The following APLF variants were observed in gnomAD, a reference collection of about 807,000 sequenced individuals.
APLF encodes aprataxin and PNK-like factor.
In APLF, 61 loss-of-function variants were observed where a neutral mutation model predicts 55.6. The ratio of observed to expected loss-of-function variants is 1.10; its 90% confidence interval spans 0.89 to 1.36. The LOEUF (loss-of-function observed/expected upper bound fraction) is 1.36, where lower values mean the gene tolerates loss of function less well. APLF is among the 40% of genes most tolerant of loss of function. APLF has a pLI of 0.00. For missense variants in APLF, 611 were observed against 602.5 expected, an observed-to-expected ratio of 1.01 and a Z score of -0.15; for synonymous variants, 207 against 214.8, an observed-to-expected ratio of 0.96 and a Z score of 0.32.
At chr2:68,481,894 T>G (rs1558527210) in intron 1 of APLF, among the ~76,000 whole-genome samples, 1 of 151,994 alleles carries the variant, frequency 6.6e-6, no homozygotes, top group Non-Finnish European at 1.5e-5. Context: ...CTTGATTTTA[T>G]TTTTTATTTT....
chr2:68,536,450 T>C (rs2104001731), intron 6 of APLF, among the ~76,000 whole-genome samples: 2 of 152,320 alleles, frequency 1.3e-5, no homozygotes, highest in East Asian at 3.9e-4. Context: ...CATGAGTCTT[T>C]AGTTATAAGT....
chr2:68,511,168 CTA>C (rs1321503855), intron 3 of APLF, among the ~76,000 whole-genome samples: 1 of 151,632 alleles, frequency 6.6e-6, no homozygotes, highest in South Asian at 2.1e-4. Context: ...AATCTTATGA[CTA>C]TATGGATTAT....
chr2:68,552,145 G>A (rs1670884245), intron 8 of APLF, among the ~76,000 whole-genome samples: 1 of 152,070 alleles, frequency 6.6e-6, no homozygotes, highest in Non-Finnish European at 1.5e-5. Flanking sequence ...CTTGAGGGGA[G>A]GCTAGTTATG....
intron 2 of APLF, among the ~76,000 whole-genome samples, chr2:68,498,905 T>C (rs1010036023): frequency 7.9e-5 from 12 of 152,198 alleles, no homozygotes; most frequent in African/African-American, 2.4e-4. Context: ...GTTTTTTTAT[T>C]GCACAAAGTT....
At chr2:68,512,547 C>T (rs1361990363) in intron 3 of APLF, among the ~76,000 whole-genome samples, 3 of 151,816 alleles carry the variant, frequency 2.0e-5, no homozygotes, top group African/African-American at 4.8e-5. Flanking sequence ...TGGCATGTCC[C>T]ACATGTGACC....
At chr2:68,488,329 C>CT (rs60462016) in intron 1 of APLF, among the ~76,000 whole-genome samples, 3,041 of 128,856 alleles carry the variant, frequency 0.024, 58 homozygotes, top group East Asian at 0.069. Context: ...CATTTATTAT[C>CT]TTTTTTTTTT....
chr2:68,476,572 C>T (rs1479401661), intron 1 of APLF, among the ~76,000 whole-genome samples: 1 of 151,590 alleles, frequency 6.6e-6, no homozygotes, highest in African/African-American at 2.4e-5. Flanking sequence ...GAGATAAGCA[C>T]TGTAAACATT....
chr2:68,513,060 G>C lies in APLF; in HGVS notation c.342-20G>C, dbSNP rs1669448001. On this transcript the variant is annotated intron_variant, in intron 3 of 9. Transcript: ENST00000303795. ...GTGTTAAATTTAAAATTAAAGACCA[G>C]TTTCTATTTTATCTTATAGAAACAG... 4 of 1,582,242 alleles carry C rather than the reference G, an allele frequency of 2.5e-6. No individual in the cohort carries two copies. Among genetic ancestry groups the C allele is most frequent in the South Asian group, 1.1e-5 (1 of 87,174 alleles).
At chr2:68,518,082 ATAT>A (rs1346895395) in intron 5 of APLF, among the ~76,000 whole-genome samples, 21 of 132,668 alleles carry the variant, frequency 1.6e-4, no homozygotes, top group Non-Finnish European at 2.9e-4. Flanking sequence ...TTAGTATATA[ATAT>A]TAATATATAT....
In APLF at chr2:68,467,630, GTGTTTT is replaced by G; in HGVS notation, c.-100_-95del. 1 of 988,638 alleles carries G rather than the reference GTGTTTT, an allele frequency of 1.0e-6. No homozygotes were observed. The highest frequency in any genetic ancestry group is 1.3e-6 in the Non-Finnish European group (1 of 764,020). 61.2% of individuals were successfully genotyped at this position (988,638 alleles called of 1,614,324 possible). On this transcript the variant is annotated 5_prime_UTR_variant, in exon 1 of 10. Coordinates refer to ENST00000303795, the MANE Select transcript of APLF (RefSeq NM_173545.3). ...GGGGAGCCTTTGAGGCCCTCCCTCG[GTGTTTT>G]TTCCCAGGGCGTGGGCTTGCCCCGC...
chr2:68,534,686 G>A (rs1057497720), intron 6 of APLF, among the ~76,000 whole-genome samples: 10 of 152,100 alleles, frequency 6.6e-5, no homozygotes, highest in Admixed American at 2.0e-4. Flanking sequence ...ATCATGAGTC[G>A]CCAGCCTTCC....
chr2:68,537,902 TTAAG>T lies in APLF; in HGVS notation c.839_842del (p.Ser280ThrfsTer4). 6.3e-7 allele frequency: 1 copy of T among 1,588,974 alleles called. No homozygotes were observed. Among genetic ancestry groups the T allele is most frequent in the Non-Finnish European group, 8.5e-7 (1 of 1,170,000 alleles). On this transcript the variant is annotated frameshift_variant, in exon 7 of 10. Coordinates refer to ENST00000303795, the MANE Select transcript of APLF (RefSeq NM_173545.3). LOFTEE classifies it high-confidence loss of function. Reference sequence around the variant, plus strand: ...GCCACAATCATTTTCTGCAATCACATTAAGTAACACAGAGATGAATAATATTAAG... The same window carrying T: ...GCCACAATCATTTTCTGCAATCACATTAACACAGAGATGAATAATATTAAG...
At chr2:68,513,793 G>A (rs1669488296) in intron 5 of APLF, 113 bp downstream of exon 5, 2 of 1,245,242 alleles carry the variant, frequency 1.6e-6, no homozygotes, top group Non-Finnish European at 2.2e-6. Context: ...TAGAGGTTGT[G>A]TAAGTGTATA....
chr2:68,544,530 T>G (rs1391893869), intron 7 of APLF, among the ~76,000 whole-genome samples: 2 of 152,222 alleles, frequency 1.3e-5, no homozygotes, highest in African/African-American at 4.8e-5. Flanking sequence ...CATGTTATTA[T>G]GATAATATGT....
chr2:68,467,826 G>A lies in APLF; in HGVS notation c.95G>A (p.Gly32Glu). 1.6e-6 allele frequency: 2 copies of A among 1,232,772 alleles called. No individual in the cohort carries two copies. The highest frequency in any genetic ancestry group is 2.8e-4 in the Middle Eastern group (1 of 3,620). 76.4% of individuals were successfully genotyped at this position (1,232,772 alleles called of 1,614,324 possible). The change falls in exon 1 of 10, where the codon GGA (glycine) becomes GAA (glutamate). Residue 32 changes from glycine (G) to glutamate (E), a missense_variant and splice_region_variant. Transcript: ENST00000303795. Reference sequence around the variant, plus strand: ...GTGATCGGCCGCGGGCCGCTGCTGGGAGTAAGTGTGGGCGGGGGCTTAGCG... The same window carrying A: ...GTGATCGGCCGCGGGCCGCTGCTGGAAGTAAGTGTGGGCGGGGGCTTAGCG... Reference protein sequence around the residue: ...ETVIGRGPLLGITDKRVSRRH... With the variant: ...ETVIGRGPLLEITDKRVSRRH...
At chr2:68,493,061 TTTG>T (rs1164662275) in intron 2 of APLF, among the ~76,000 whole-genome samples, 5 of 152,176 alleles carry the variant, frequency 3.3e-5, no homozygotes, top group Non-Finnish European at 7.3e-5. Context: ...GTAGTATTTT[TTTG>T]TTGTTGTTAT....
chr2:68,573,011 A>C (rs1041998672), intron 9 of APLF, among the ~76,000 whole-genome samples: 1 of 152,206 alleles, frequency 6.6e-6, no homozygotes, highest in African/African-American at 2.4e-5. Context: ...ATATCAGAAA[A>C]ACATTTAGAA....
intron 1 of APLF, among the ~76,000 whole-genome samples, chr2:68,484,692 A>G (rs1051330060): frequency 5.6e-5 from 6 of 106,828 alleles, no homozygotes; most frequent in African/African-American, 3.2e-4. Flanking sequence ...GCTTAGTCTG[A>G]AAAAAAAAAA....
intron 8 of APLF, among the ~76,000 whole-genome samples, chr2:68,547,075 A>G (rs1438724126): frequency 6.6e-6 from 1 of 151,834 alleles, no homozygotes; most frequent in Non-Finnish European, 1.5e-5. Flanking sequence ...TATAAAACCA[A>G]TTGTATTTGT....
Sources: allele counts gnomAD v4.1 joint callset (sites outside exome capture counted in the v4.1 genomes callset), GRCh38; gene constraint gnomAD v4.1.1; transcripts MANE v1.5; gene names NCBI Gene and HGNC (gene_info 2026-07-23, HGNC 2026-07-21).